CNTN4: variants seen among roughly 807,000 people sequenced by gnomAD.
The protein encoded by CNTN4 is contactin 4.
In CNTN4, 77 loss-of-function variants were observed where a neutral mutation model predicts 122.5. The observed-to-expected ratio is 0.63, with a 90% CI of 0.52 to 0.76. The LOEUF is 0.76. CNTN4 is among the 30% of genes least tolerant of loss of function. The pLI, the probability that CNTN4 is intolerant of heterozygous loss-of-function variation, is 0.00. For synonymous variants in CNTN4, 512 were observed against 447.0 expected, an observed-to-expected ratio of 1.15 and a Z score of -1.83; for missense variants, 1,256 against 1,259.1, an observed-to-expected ratio of 1.00 and a Z score of 0.04.
intron 6 of CNTN4, among the ~76,000 whole-genome samples, chr3:2,756,657 C>G (rs2090351303): frequency 6.6e-6 from 1 of 152,044 alleles, no homozygotes; most frequent in Non-Finnish European, 1.5e-5. Context: ...CCCAGATGGA[C>G]CATAAATTCA....
chr3:2,842,137 T>C (rs2150526237), intron 7 of CNTN4, among the ~76,000 whole-genome samples: 1 of 152,302 alleles, frequency 6.6e-6, no homozygotes, highest in South Asian at 2.1e-4. Context: ...TGAGCTCTTC[T>C]TCTAGGAATT....
intron 7 of CNTN4, among the ~76,000 whole-genome samples, chr3:2,839,413 CAA>C (rs376701943): frequency 1.1e-4 from 15 of 135,886 alleles, no homozygotes; most frequent in Admixed American, 2.2e-4. Flanking sequence ...TTGCTTTTAC[CAA>C]AAAAAAAAAA....
At chr3:2,249,349 G>A (rs2040286628) in intron 2 of CNTN4, among the ~76,000 whole-genome samples, 1 of 151,910 alleles carries the variant, frequency 6.6e-6, no homozygotes, top group Non-Finnish European at 1.5e-5. Context: ...AAGGTCTACT[G>A]CAGTCAGAGA....
intron 6 of CNTN4, among the ~76,000 whole-genome samples, chr3:2,774,489 G>A (rs1453592711): frequency 6.6e-6 from 1 of 152,082 alleles, no homozygotes; most frequent in Non-Finnish European, 1.5e-5. Flanking sequence ...AAATGAAGGA[G>A]GGACCCATTT....
intron 3 of CNTN4, among the ~76,000 whole-genome samples, chr3:2,460,576 T>C (rs2049167641): frequency 6.6e-6 from 1 of 152,166 alleles, no homozygotes; most frequent in Non-Finnish European, 1.5e-5. Context: ...TCCTCTTCAC[T>C]TCCTTGATGT....
At chr3:2,441,626 C>T (rs920494664) in intron 3 of CNTN4, among the ~76,000 whole-genome samples, 3 of 152,158 alleles carry the variant, frequency 2.0e-5, no homozygotes, top group Non-Finnish European at 2.9e-5. Flanking sequence ...CTGTGGCATT[C>T]AAACATAGAT....
intron 2 of CNTN4, among the ~76,000 whole-genome samples, chr3:2,279,688 A>T (rs1212355997): frequency 6.6e-6 from 1 of 152,090 alleles, no homozygotes; most frequent in African/African-American, 2.4e-5. Flanking sequence ...CAAAATATGC[A>T]TTGAAAAAAA....
At position 2,435,982 on chromosome 3, in the gene CNTN4, C is replaced by A. The variant is rs1341842099; in HGVS notation, c.-89+96749C>A. Among the ~76,000 whole-genome samples the A allele has an allele frequency of 2.0e-5, 3 of 152,130 alleles. No individual in the cohort carries two copies. The East Asian group carries it at 5.8e-4, about 29-fold the overall frequency. On this transcript the variant is annotated intron_variant, in intron 3 of 24. Coordinates refer to ENST00000418658, the MANE Select transcript of CNTN4 (RefSeq NM_175607.3). The stretch of plus-strand genomic sequence containing the variant: ...TGAAGAGACAATGCAGGTCAAAAAA[C>A]TGTTTATATCTCTATTAGAGGCAAA...
rs530461138 is a variant in CNTN4 at position 2,300,628 on chromosome 3, G to A, written c.-144-38550G>A. On this transcript the variant is annotated intron_variant, in intron 2 of 24. Transcript: ENST00000418658. ...TGCTCTGTCTCCAGGCTGGAGTGCAGTGGCACAGTCTCGGCTCACTGCAAC... is the reference window on the plus strand; with the variant it reads ...TGCTCTGTCTCCAGGCTGGAGTGCAATGGCACAGTCTCGGCTCACTGCAAC... 2.1e-3 allele frequency among the ~76,000 whole-genome samples: 289 copies of A among 135,482 alleles called. 1 individual carries two copies. Among genetic ancestry groups the A allele is most frequent in the African/African-American group, 7.5e-3 (269 of 35,814 alleles). 88.9% of individuals were successfully genotyped at this position (135,482 alleles called of 152,430 possible). A position where few individuals can be genotyped will look rare whatever the true frequency, so the allele number is the denominator to read the frequency against.
intron 13 of CNTN4, among the ~76,000 whole-genome samples, chr3:2,970,309 C>G (rs1261084072): frequency 1.3e-5 from 2 of 152,144 alleles, no homozygotes; most frequent in African/African-American, 4.8e-5. Context: ...GTTGCCCAAG[C>G]TAGTCTCAAA....
At chr3:2,239,989 T>C (rs927270865) in intron 2 of CNTN4, among the ~76,000 whole-genome samples, 2 of 152,232 alleles carry the variant, frequency 1.3e-5, no homozygotes, top group Non-Finnish European at 2.9e-5. Flanking sequence ...TCTTCCTGCA[T>C]AGGTTGCAGA....
intron 3 of CNTN4, among the ~76,000 whole-genome samples, chr3:2,445,472 T>C (rs1245758469): frequency 6.6e-6 from 1 of 152,228 alleles, no homozygotes; most frequent in Non-Finnish European, 1.5e-5. Flanking sequence ...TAAGTAGTCC[T>C]CTTTGAAAAT....
chr3:2,955,172 C>G (rs916035257), intron 13 of CNTN4, among the ~76,000 whole-genome samples: 1 of 152,138 alleles, frequency 6.6e-6, no homozygotes, highest in Non-Finnish European at 1.5e-5. Flanking sequence ...CAGCCAGGTG[C>G]TCACCAAAAT....
intron 4 of CNTN4, among the ~76,000 whole-genome samples, chr3:2,652,035 A>T (rs1252614487): frequency 6.7e-5 from 10 of 150,060 alleles, no homozygotes; most frequent in Non-Finnish European, 4.4e-5. Flanking sequence ...TTTTTTTTTT[A>T]AATAGCCAGG....
chr3:2,440,556 C>A (rs993570756), intron 3 of CNTN4, among the ~76,000 whole-genome samples: 1 of 151,972 alleles, frequency 6.6e-6, no homozygotes, highest in South Asian at 2.1e-4. Context: ...CAACTGATGT[C>A]GTGTGAGTGT....
At chr3:2,618,270 A>G (rs2081853657) in intron 4 of CNTN4, among the ~76,000 whole-genome samples, 1 of 152,138 alleles carries the variant, frequency 6.6e-6, no homozygotes, top group Non-Finnish European at 1.5e-5. Flanking sequence ...ATATGCATGT[A>G]TATGTGTATA....
At chr3:2,813,562 T>A (rs2092662123) in intron 6 of CNTN4, among the ~76,000 whole-genome samples, 1 of 152,224 alleles carries the variant, frequency 6.6e-6, no homozygotes, top group African/African-American at 2.4e-5. Context: ...CTGGCCATTT[T>A]AAAACTAAAC....
Position 2,617,254 on chromosome 3 carries a change from C to G in CNTN4, c.55+45696C>G, listed in dbSNP as rs539771956. On this transcript the variant is annotated intron_variant, in intron 4 of 24. Coordinates refer to ENST00000418658, the MANE Select transcript of CNTN4 (RefSeq NM_175607.3). ...TGCAATCTACCCATGTGACAAAGGC[C>G]TAATATTCAGCATCTACAAGGAACT... Among the ~76,000 whole-genome samples, 19 of 151,918 alleles carry G rather than the reference C, an allele frequency of 1.3e-4. No individual in the cohort carries two copies. In the Middle Eastern group the frequency reaches 0.02, roughly 163 times the overall value.
intron 3 of CNTN4, among the ~76,000 whole-genome samples, chr3:2,566,745 C>A (rs1018953680): frequency 3.3e-5 from 5 of 152,308 alleles, no homozygotes; most frequent in African/African-American, 1.2e-4. Context: ...TACAAGCAAG[C>A]AAACATGTTT....
Sources: allele counts gnomAD v4.1 joint callset (sites outside exome capture counted in the v4.1 genomes callset), GRCh38; gene constraint gnomAD v4.1.1; transcripts MANE v1.5; gene names NCBI Gene and HGNC (gene_info 2026-07-23, HGNC 2026-07-21).